LIN7A: variants seen among roughly 807,000 people sequenced by gnomAD.
LIN7A encodes the protein protein lin-7 homolog A.
A neutral mutation model predicts 29.8 loss-of-function variants in LIN7A; 25 were observed. The observed-to-expected ratio is 0.84, with a 90% CI of 0.61 to 1.17. The LOEUF is 1.17. Ranked by LOEUF, LIN7A falls within the 50% of genes most tolerant of loss-of-function variation. The pLI, the probability that LIN7A is intolerant of heterozygous loss-of-function variation, is 0.00. For synonymous variants in LIN7A, 118 were observed against 107.5 expected (o/e 1.10, Z -0.60); for missense variants, 239 against 287.0 (o/e 0.83, Z 1.21).
At chr12:80,865,115 G>C (rs1266485360) in intron 2 of LIN7A, among the ~76,000 whole-genome samples, 1 of 152,084 alleles carries the variant, frequency 6.6e-6, no homozygotes, top group East Asian at 1.9e-4. Context: ...CTGATTCCAT[G>C]CCTGTTTCAA....
intron 1 of LIN7A, among the ~76,000 whole-genome samples, chr12:80,927,254 C>T (rs1265746249): frequency 3.7e-4 from 54 of 147,848 alleles, no homozygotes; most frequent in African/African-American, 1.3e-3. Flanking sequence ...CTCCGCCTTC[C>T]GGCTTCAGGC....
At chr12:80,805,704 T>A (rs1332264271) in intron 5 of LIN7A, among the ~76,000 whole-genome samples, 1 of 152,012 alleles carries the variant, frequency 6.6e-6, no homozygotes, top group Admixed American at 6.6e-5. Flanking sequence ...TCTGATATGG[T>A]TTGACTGTGT....
Position 80,914,244 on chromosome 12 carries a change from C to T in LIN7A, c.82+23397G>A, listed in dbSNP as rs189919268. The stretch of plus-strand genomic sequence containing the variant: ...TCGGGTTCCGTGAACAGAGTTTCGT[C>T]GTCTGCATATTACATACCATTTGGA... On this transcript the variant is annotated intron_variant, in intron 1 of 5. Coordinates refer to ENST00000552864, the MANE Select transcript of LIN7A (RefSeq NM_004664.4). 5.0e-4 allele frequency among the ~76,000 whole-genome samples: 76 copies of T among 152,258 alleles called. 3 individuals carry two copies. In the East Asian group the frequency reaches 0.011, roughly 23 times the overall value.
intron 5 of LIN7A, among the ~76,000 whole-genome samples, chr12:80,811,146 C>A (rs1220029583): frequency 6.6e-6 from 1 of 152,136 alleles, no homozygotes; most frequent in African/African-American, 2.4e-5. Flanking sequence ...TGCACAGAGG[C>A]TGCATTTTCT....
chr12:80,864,727 A>G (rs1334125814), intron 2 of LIN7A, among the ~76,000 whole-genome samples: 1 of 152,220 alleles, frequency 6.6e-6, no homozygotes, highest in Non-Finnish European at 1.5e-5. Flanking sequence ...AACATTTTTT[A>G]ATGTGAATAA....
At chr12:80,818,843 G>T (rs77755026) in intron 4 of LIN7A, among the ~76,000 whole-genome samples, 1 of 152,086 alleles carries the variant, frequency 6.6e-6, no homozygotes, top group East Asian at 1.9e-4. Flanking sequence ...TCATCTTAAG[G>T]GTTTCTCTAC....
chr12:80,900,453 G>T (rs556337067), intron 1 of LIN7A, among the ~76,000 whole-genome samples: 1 of 152,246 alleles, frequency 6.6e-6, no homozygotes, highest in African/African-American at 2.4e-5. Context: ...AGAAATTCTG[G>T]TATGTTATAT....
At chr12:80,893,665 G>A (rs1237923149) in intron 1 of LIN7A, among the ~76,000 whole-genome samples, 1 of 152,182 alleles carries the variant, frequency 6.6e-6, no homozygotes, top group Non-Finnish European at 1.5e-5. Flanking sequence ...GGAAGGCTCT[G>A]ACAGAAACAA....
chr12:80,894,601 A>T (rs1267367637), intron 1 of LIN7A, among the ~76,000 whole-genome samples: 1 of 152,218 alleles, frequency 6.6e-6, no homozygotes, highest in East Asian at 1.9e-4. Flanking sequence ...CACAGAAAGC[A>T]AAACTACAGA....
At chr12:80,867,555 A>G (rs574460475) in intron 2 of LIN7A, among the ~76,000 whole-genome samples, 14 of 152,172 alleles carry the variant, frequency 9.2e-5, no homozygotes, top group African/African-American at 3.1e-4. Flanking sequence ...CTTTTTTTTC[A>G]TGATCTAACA....
At chr12:80,839,599 T>C (rs1462864382) in intron 4 of LIN7A, among the ~76,000 whole-genome samples, 2 of 152,200 alleles carry the variant, frequency 1.3e-5, no homozygotes, top group Non-Finnish European at 2.9e-5. Flanking sequence ...AAAAAAACTT[T>C]TTATGTTTTC....
chr12:80,836,757 A>C (rs1018897330), intron 4 of LIN7A, among the ~76,000 whole-genome samples: 1 of 152,120 alleles, frequency 6.6e-6, no homozygotes, highest in South Asian at 2.1e-4. Context: ...TGTAACACTT[A>C]TCACAGTGTT....
chr12:80,909,516 A>T (rs1000765643), intron 1 of LIN7A, among the ~76,000 whole-genome samples: 1 of 152,094 alleles, frequency 6.6e-6, no homozygotes, highest in Non-Finnish European at 1.5e-5. Flanking sequence ...GTCAAAGATT[A>T]AGGTGCTGGG....
rs914463544 is a variant in LIN7A at position 80,898,500 on chromosome 12, G to GT, written c.83-9132dup. On this transcript the variant is annotated intron_variant, in intron 1 of 5. Coordinates refer to ENST00000552864, the MANE Select transcript of LIN7A (RefSeq NM_004664.4). ...GTGGTTCCATGTGAAATTTAAAATAGTTTTTTTTTTCTAATTCTGTGAAGA... is the reference window on the plus strand; with the variant it reads ...GTGGTTCCATGTGAAATTTAAAATAGTTTTTTTTTTTCTAATTCTGTGAAGA... 2.6e-3 allele frequency among the ~76,000 whole-genome samples: 384 copies of GT among 149,202 alleles called. 3 individuals are homozygous for GT. Among genetic ancestry groups the GT allele is most frequent in the Middle Eastern group, 0.01 (3 of 292 alleles).
chr12:80,907,896 G>A (rs1876568453), intron 1 of LIN7A, among the ~76,000 whole-genome samples: 2 of 152,122 alleles, frequency 1.3e-5, no homozygotes, highest in Admixed American at 1.3e-4. Context: ...AAATTCTTCT[G>A]TGTGCTTGAT....
chr12:80,828,076 TA>T (rs1872166781), intron 4 of LIN7A, among the ~76,000 whole-genome samples: 1 of 152,204 alleles, frequency 6.6e-6, no homozygotes, highest in South Asian at 2.1e-4. Flanking sequence ...TTCACATGCT[TA>T]AAAAAAGAAT....
chr12:80,842,652 T>C (rs957333358), intron 4 of LIN7A, among the ~76,000 whole-genome samples: 2 of 152,086 alleles, frequency 1.3e-5, no homozygotes, highest in African/African-American at 4.8e-5. Context: ...TAAATATTGT[T>C]ACCTGCCTAG....
rs186383348 is a variant in LIN7A, at chr12:80,845,174, T to A, written c.483+556A>T. 3.3e-3 allele frequency among the ~76,000 whole-genome samples: 498 copies of A among 150,564 alleles called. 4 individuals carry two copies. The highest frequency in any genetic ancestry group is 4.7e-3 in the Non-Finnish European group (321 of 67,844). The stretch of plus-strand genomic sequence containing the variant: ...ATGGTGTGAACCCGGGAGGCGGAGC[T>A]TGCAGTGAGCTGAGATGGCACCACT... On this transcript the variant is annotated intron_variant, in intron 4 of 5. Transcript: ENST00000552864.
At chr12:80,926,043 A>T (rs1877564978) in intron 1 of LIN7A, among the ~76,000 whole-genome samples, 1 of 152,118 alleles carries the variant, frequency 6.6e-6, no homozygotes, top group Non-Finnish European at 1.5e-5. Context: ...AGATCGTTGC[A>T]TGGTTGTTTC....
Sources: allele counts gnomAD v4.1 joint callset (sites outside exome capture counted in the v4.1 genomes callset), GRCh38; gene constraint gnomAD v4.1.1; transcripts MANE v1.5; gene names NCBI Gene and HGNC (gene_info 2026-07-23, HGNC 2026-07-21).